The following BICD2 variants were observed in gnomAD, a reference collection of about 807,000 sequenced individuals.
The protein encoded by BICD2 is BICD cargo adaptor 2.
In BICD2, 25 loss-of-function variants were observed where a neutral mutation model predicts 72.9. The observed-to-expected ratio is 0.34, with a 90% CI of 0.25 to 0.48. The LOEUF is 0.48. Ranked by LOEUF, BICD2 falls within the 20% of genes least tolerant of loss-of-function variation. The pLI is 0.99. For missense variants in BICD2, 894 were observed against 1,175.2 expected (o/e 0.76, Z 3.50); for synonymous variants, 501 against 516.1 (o/e 0.97, Z 0.40).
Position 92,715,348 on chromosome 9 carries a change from G to A in BICD2, c.2374C>T (p.Leu792=). Reference sequence around the variant, plus strand: ...TCGAGCAGCTCCAGCCGCTGGGTCAGCGCCAGCTTCTGCTGGATGGCCATG... The same window carrying A: ...TCGAGCAGCTCCAGCCGCTGGGTCAACGCCAGCTTCTGCTGGATGGCCATG... ...LRMAIQQKLA[L]TQRLELLELD... Residue 792 remains leucine (L), a synonymous_variant, in exon 7 of 7, where the codon CTG becomes TTG. Transcript: ENST00000356884. The A allele has an allele frequency of 6.2e-7, 1 of 1,613,150 alleles. No homozygotes were observed. Among genetic ancestry groups the A allele is most frequent in the Non-Finnish European group, 8.5e-7 (1 of 1,179,774 alleles).
chr9:92,715,053 C>T lies in BICD2; in HGVS notation c.*101G>A, dbSNP rs900085632. 18 of 1,473,618 alleles carry T rather than the reference C, an allele frequency of 1.2e-5. No homozygotes were observed. In the African/African-American group the frequency reaches 2.3e-4, roughly 19 times the overall value. 91.3% of individuals were successfully genotyped at this position (1,473,618 alleles called of 1,614,324 possible). Reference sequence around the variant, plus strand: ...CTCGGCTAGACTCCTACCCTCTGTGCATTAGTCACGTTAAGATTGACCTAG... The same window carrying T: ...CTCGGCTAGACTCCTACCCTCTGTGTATTAGTCACGTTAAGATTGACCTAG... On this transcript the variant is annotated 3_prime_UTR_variant, in exon 7 of 7. Coordinates refer to ENST00000356884, the MANE Select transcript of BICD2 (RefSeq NM_001003800.2).
chr9:92,758,064 C>T (rs147248401), intron 1 of BICD2, among the ~76,000 whole-genome samples: 1,680 of 151,712 alleles, frequency 0.011, 22 homozygotes, highest in South Asian at 0.054. Flanking sequence ...ATTAGCCGGG[C>T]GTGGTGGTGG....
At chr9:92,756,463 G>A (rs866726150) in intron 1 of BICD2, among the ~76,000 whole-genome samples, 16 of 151,440 alleles carry the variant, frequency 1.1e-4, no homozygotes, top group South Asian at 6.2e-4. Context: ...GGGTTTCACC[G>A]TGTTAGCCAG....
At chr9:92,726,613 G>A (rs985610197) in intron 2 of BICD2, among the ~76,000 whole-genome samples, 7 of 152,056 alleles carry the variant, frequency 4.6e-5, no homozygotes, top group African/African-American at 1.7e-4. Context: ...TGCTCCACCC[G>A]AACCAGGTAC....
Position 92,720,704 on chromosome 9 carries a change from C to T in BICD2, c.658G>A (p.Glu220Lys), listed in dbSNP as rs763181274. 4 of 1,614,154 alleles carry T rather than the reference C, an allele frequency of 2.5e-6. No homozygotes were observed. The highest frequency in any genetic ancestry group is 1.7e-6 in the Non-Finnish European group (2 of 1,180,030). ...TCCTCCAGCTGGCTGTTGAGGTACT[C>T]GGTCTCCTCCTCCAGACGCTTGATC... ...HEIKRLEEET[E>K]YLNSQLEDAI... The change falls in exon 4 of 7, where the codon GAG becomes AAG. Residue 220 changes from glutamate to lysine, a missense_variant. Physicochemically the swap from Glu to Lys is moderately conservative, Grantham distance 56. Coordinates refer to ENST00000356884, the MANE Select transcript of BICD2 (RefSeq NM_001003800.2). The surrounding 1 kb of genome is among the most constrained non-coding windows in gnomAD (Gnocchi z 5.4).
At chr9:92,762,091 C>T (rs142113154) in intron 1 of BICD2, among the ~76,000 whole-genome samples, 832 of 152,312 alleles carry the variant, frequency 5.5e-3, no homozygotes, top group Non-Finnish European at 9.1e-3. Flanking sequence ...GGCAGAAGTA[C>T]AAGCAACTCC....
chr9:92,757,310 T>TC (rs1441464430), intron 1 of BICD2, among the ~76,000 whole-genome samples: 6 of 60,972 alleles, frequency 9.8e-5, no homozygotes, highest in Non-Finnish European at 1.6e-4. Context: ...CGAGACTGTC[T>TC]CCAAAAAAAA....
intron 4 of BICD2, 55 bp from the exon 5 acceptor site, chr9:92,719,637 T>C (rs1853418008): frequency 1.3e-6 from 2 of 1,490,688 alleles, no homozygotes; most frequent in African/African-American, 1.4e-5. Context: ...CCCCGAGAGC[T>C]TGGAGGACCC....
rs1388624692 is a variant in BICD2 at position 92,712,036 on chromosome 9, C to T, written c.*3118G>A. ...CCAAGCAAGAGAAGATATAATGTCT[C>T]GCTTTCACATTTGCAAAGAATACTA... On this transcript the variant is annotated 3_prime_UTR_variant, in exon 7 of 7. Coordinates refer to ENST00000356884, the MANE Select transcript of BICD2 (RefSeq NM_001003800.2). 1 of 152,566 alleles carries T rather than the reference C, an allele frequency of 6.6e-6. No homozygotes were observed. The highest frequency in any genetic ancestry group is 1.5e-5 in the Non-Finnish European group (1 of 68,034). 9.5% of individuals were successfully genotyped at this position (152,566 alleles called of 1,614,324 possible).
intron 1 of BICD2, among the ~76,000 whole-genome samples, chr9:92,743,472 C>T (rs759994969): frequency 1.3e-5 from 2 of 150,602 alleles, no homozygotes; most frequent in African/African-American, 2.4e-5. Context: ...TGGGATTATA[C>T]GCACAAGATA....
chr9:92,717,877 C>G lies in BICD2; in HGVS notation c.2178G>C (p.Met726Ile), dbSNP rs563633956. 5.0e-6 allele frequency: 8 copies of G among 1,613,390 alleles called. No individual in the cohort carries two copies. In the East Asian group the frequency reaches 1.3e-4, roughly 27 times the overall value. The change falls in exon 6 of 7, where the codon ATG (methionine) becomes ATC (isoleucine). Residue 726 changes from methionine (M) to isoleucine (I), a missense_variant. Met to Ile is a conservative substitution (Grantham distance 10). Around this residue, in one of 5 missense-constraint regions of BICD2, gnomAD observed 321 missense variants for 443.9 expected, o/e 0.72. Transcript: ENST00000356884. The part of the protein sequence containing the change: ...ENEKAMVTET[M>I]MKLRNELKAL... ...CCTTGAGCTCATTGCGCAGCTTCATCATGGTCTCGGTAACCATGGCCTTCT... is the reference window on the plus strand; with the variant it reads ...CCTTGAGCTCATTGCGCAGCTTCATGATGGTCTCGGTAACCATGGCCTTCT...
chr9:92,730,908 G>A (rs1158462668), intron 1 of BICD2, among the ~76,000 whole-genome samples: 1 of 152,204 alleles, frequency 6.6e-6, no homozygotes, highest in Admixed American at 6.5e-5. Context: ...TTTTCTTCAA[G>A]GCAATCGGGT....
chr9:92,743,425 G>A (rs1214958948), intron 1 of BICD2, among the ~76,000 whole-genome samples: 2 of 149,484 alleles, frequency 1.3e-5, no homozygotes, highest in African/African-American at 2.5e-5. Context: ...TGAACTCCTG[G>A]GCTCAAGTGA....
Position 92,719,559 on chromosome 9 carries a change from C to G in BICD2, c.1086G>C (p.Leu362=). 6.2e-7 allele frequency: 1 copy of G among 1,604,026 alleles called. No individual in the cohort carries two copies. Among genetic ancestry groups the G allele is most frequent in the Non-Finnish European group, 8.5e-7 (1 of 1,177,106 alleles). Residue 362 remains leucine, a synonymous_variant, in exon 5 of 7, where the codon CTG becomes CTC. Coordinates refer to ENST00000356884, the MANE Select transcript of BICD2 (RefSeq NM_001003800.2). ...TCTGTGTGTCCTGCAGCGTTGCCAG[C>G]AGGCCCGCCTTTTCCCGCTCCATCT... ...LMQMEREKAG[L]LATLQDTQKQ... is the part of the protein sequence containing the mutation.
At chr9:92,740,601 A>T (rs553962323) in intron 1 of BICD2, among the ~76,000 whole-genome samples, 30 of 152,092 alleles carry the variant, frequency 2.0e-4, no homozygotes, top group Admixed American at 3.9e-4. Context: ...GTCTCTCTAG[A>T]CGGGGATTGC....
intron 1 of BICD2, among the ~76,000 whole-genome samples, chr9:92,758,341 C>T (rs999679727): frequency 1.3e-5 from 2 of 151,680 alleles, no homozygotes; most frequent in African/African-American, 4.8e-5. Context: ...CACCCGAGGT[C>T]AGGAGTTCGA....
rs999260751 is a variant in BICD2, at chr9:92,764,441, C to G, written c.240+64G>C. The G allele has an allele frequency of 2.8e-6, 4 of 1,415,496 alleles. No individual in the cohort carries two copies. The highest frequency in any genetic ancestry group is 3.7e-6 in the Non-Finnish European group (4 of 1,083,038). 87.7% of individuals were successfully genotyped at this position (1,415,496 alleles called of 1,614,324 possible). On this transcript the variant is annotated intron_variant, in intron 1 of 6. Transcript: ENST00000356884. The surrounding 1 kb of genome is among the most constrained non-coding windows in gnomAD (Gnocchi z 5.5). ...AAGCTGACCTTGGCCGCCCTGGTGC[C>G]AGGGACGACGCCCACAGGCCCCGGC...
At chr9:92,745,505 T>G (rs1185325229) in intron 1 of BICD2, among the ~76,000 whole-genome samples, 2 of 151,910 alleles carry the variant, frequency 1.3e-5, no homozygotes, top group East Asian at 3.9e-4. Flanking sequence ...ATGATCCCTC[T>G]CCACCCCCAG....
intron 2 of BICD2, among the ~76,000 whole-genome samples, chr9:92,723,042 C>CCT (rs1853496596): frequency 1.2e-5 from 1 of 81,688 alleles, no homozygotes; most frequent in Non-Finnish European, 2.8e-5. Context: ...CCTGGGAACC[C>CCT]GTGACTGCCT....
Sources: gnomAD v4.1 joint callset for allele counts (sites outside exome capture counted in the v4.1 genomes callset) on GRCh38, gnomAD v4.1.1 for gene constraint, gnomAD v4.1.1 regional missense constraint, Gnocchi (gnomAD v3.1) non-coding constraint, MANE v1.5 for transcripts, NCBI Gene and HGNC (gene_info 2026-07-23, HGNC 2026-07-21) for gene names.